The following ABCD3 variants were observed in gnomAD, a reference collection of about 807,000 sequenced individuals.
ABCD3 encodes the protein ATP-binding cassette sub-family D member 3.
A neutral mutation model predicts 105.5 loss-of-function variants in ABCD3; 41 were observed. The observed-to-expected ratio is 0.39, with a 90% CI of 0.30 to 0.50. The LOEUF is 0.50. Ranked by LOEUF, ABCD3 falls within the 20% of genes least tolerant of loss-of-function variation. ABCD3 has a pLI of 0.84. For synonymous variants in ABCD3, 258 were observed against 269.0 expected, an observed-to-expected ratio of 0.96 and a Z score of 0.40; for missense variants, 622 against 806.3, an observed-to-expected ratio of 0.77 and a Z score of 2.77.
chr1:94,487,842 T>G, intron 12 of ABCD3, 50 bp from the exon 13 acceptor site: 1 of 1,608,678 alleles, frequency 6.2e-7, no homozygotes, highest in South Asian at 1.1e-5. Flanking sequence ...TAAAGCCAAA[T>G]TTTTAGTCAT....
chr1:94,432,586 G>T (rs769135615), intron 1 of ABCD3: 4 of 152,048 alleles, frequency 2.6e-5, no homozygotes, highest in Non-Finnish European at 4.4e-5. Flanking sequence ...TCATTTTACA[G>T]GTGAGGAATA....
upstream of ABCD3, among the ~76,000 whole-genome samples, chr1:94,417,185 A>G (rs1659050376): frequency 6.6e-6 from 1 of 152,188 alleles, no homozygotes; most frequent in Non-Finnish European, 1.5e-5. Flanking sequence ...CAAATAGTGA[A>G]TTAGTAGGAG....
At chr1:94,406,363 C>A in the ABCD3 span, 1 of 185,914 alleles carries the variant, frequency 5.4e-6, no homozygotes, top group South Asian at 8.1e-5. Context: ...TTTTTACAGT[C>A]CAGTGGGTTG....
the ABCD3 span, among the ~76,000 whole-genome samples, chr1:94,389,740 C>T: frequency 6.7e-4 from 102 of 152,198 alleles, 2 homozygotes; most frequent in South Asian, 0.014. Flanking sequence ...AGGGTGTCCC[C>T]GACTGAGCTG....
chr1:94,429,381 C>T (rs891513084), intron 1 of ABCD3, among the ~76,000 whole-genome samples: 4 of 152,152 alleles, frequency 2.6e-5, no homozygotes, highest in African/African-American at 9.7e-5. Flanking sequence ...AACAAGGAGC[C>T]AAAAGTTACT....
chr1:94,436,946 G>T (rs959519118), intron 1 of ABCD3, among the ~76,000 whole-genome samples: 1 of 152,188 alleles, frequency 6.6e-6, no homozygotes, highest in African/African-American at 2.4e-5. Context: ...GATCAAACCA[G>T]CTGCAACATT....
chr1:94,453,829 T>C (rs943421512), intron 1 of ABCD3, among the ~76,000 whole-genome samples: 4 of 151,990 alleles, frequency 2.6e-5, no homozygotes, highest in Non-Finnish European at 5.9e-5. Context: ...TGAATTTTAA[T>C]GTATTAGTAT....
In ABCD3 at chr1:94,485,914, A is replaced by G. The variant is rs1276272379; in HGVS notation, c.898-1628A>G. ...TGACTTAAAGTGTTTGGGATGAGCC[A>G]GTTGCGGTGGCTCACCCCTGTAATC... On this transcript the variant is annotated intron_variant, in intron 10 of 22. Coordinates refer to ENST00000370214, the MANE Select transcript of ABCD3 (RefSeq NM_002858.4). Among the ~76,000 whole-genome samples the G allele has an allele frequency of 2.6e-5, 4 of 152,292 alleles. No individual in the cohort carries two copies. In the South Asian group the frequency reaches 8.3e-4, roughly 32 times the overall value.
chr1:94,503,439 A>G (rs753610417), intron 20 of ABCD3, among the ~76,000 whole-genome samples: 8 of 152,070 alleles, frequency 5.3e-5, no homozygotes, highest in Non-Finnish European at 1.2e-4. Context: ...AAATACTTCC[A>G]TCTATGTTTA....
chr1:94,432,797 A>G (rs951325963), intron 1 of ABCD3: 3 of 152,230 alleles, frequency 2.0e-5, no homozygotes, highest in Non-Finnish European at 4.4e-5. Context: ...TGCTATATTA[A>G]GTCATGCATT....
intron 3 of ABCD3, among the ~76,000 whole-genome samples, chr1:94,465,166 G>A (rs1199859794): frequency 6.6e-6 from 1 of 152,088 alleles, no homozygotes; most frequent in Non-Finnish European, 1.5e-5. Flanking sequence ...ACTGTCTGGA[G>A]GACAGCACCA....
At position 94,468,020 on chromosome 1, in the gene ABCD3, T is replaced by A. The variant is rs1372414129; in HGVS notation, c.335+13T>A. 6.4e-7 allele frequency: 1 copy of A among 1,567,734 alleles called. No homozygotes were observed. Among genetic ancestry groups the A allele is most frequent in the African/African-American group, 1.3e-5 (1 of 74,102 alleles). ...CACTAATTGAAAGGTACTTTTTCAA[T>A]CACCTTCCTCCTATATGTATGAAAT... On this transcript the variant is annotated intron_variant, in intron 4 of 22. Transcript: ENST00000370214.
intron 1 of ABCD3, among the ~76,000 whole-genome samples, chr1:94,426,848 A>AT (rs67942477): frequency 0.012 from 1,607 of 131,546 alleles, 13 homozygotes; most frequent in South Asian, 0.021. Context: ...CCCAGCCTGA[A>AT]TTTTTTTTTT....
chr1:94,459,981 C>T (rs765842032), intron 2 of ABCD3, among the ~76,000 whole-genome samples: 2 of 152,116 alleles, frequency 1.3e-5, no homozygotes, highest in African/African-American at 2.4e-5. Flanking sequence ...TATGCATATA[C>T]CACATTATGT....
the ABCD3 span, among the ~76,000 whole-genome samples, chr1:94,408,969 T>C: frequency 2.6e-5 from 4 of 152,190 alleles, no homozygotes; most frequent in African/African-American, 9.7e-5. Flanking sequence ...TCCTATGCGC[T>C]TTCTTTTCCT....
intron 3 of ABCD3, among the ~76,000 whole-genome samples, chr1:94,467,596 A>G (rs962497775): frequency 6.6e-6 from 1 of 152,220 alleles, no homozygotes; most frequent in Non-Finnish European, 1.5e-5. Flanking sequence ...ACAATACACT[A>G]TGATCTAGGT....
At position 94,518,324 on chromosome 1, in the gene ABCD3, A is replaced by G. The variant is rs958494602; in HGVS notation, c.*1195A>G. On this transcript the variant is annotated 3_prime_UTR_variant, in exon 23 of 23. Transcript: ENST00000370214. ...TCAGTTTCTCAAACTGAGCTTCAGA[A>G]AGGGGCATTTTGTACTCTTGTTTTT... The G allele has an allele frequency of 2.1e-4, 32 of 152,214 alleles. No homozygotes were observed. Among genetic ancestry groups the G allele is most frequent in the African/African-American group, 7.5e-4 (31 of 41,404 alleles). The allele number at this position is 152,214 out of a possible 1,614,324, so 9.4% of individuals were successfully genotyped here. A position where few individuals can be genotyped will look rare whatever the true frequency, so the allele number is the denominator to read the frequency against.
intron 1 of ABCD3, among the ~76,000 whole-genome samples, chr1:94,424,466 A>G (rs1659389107): frequency 6.6e-6 from 1 of 152,040 alleles, no homozygotes; most frequent in African/African-American, 2.4e-5. Flanking sequence ...TCTCTCACCC[A>G]TGCTGGAGTG....
the ABCD3 span, among the ~76,000 whole-genome samples, chr1:94,399,525 CAT>C: frequency 2.6e-5 from 4 of 152,190 alleles, no homozygotes; most frequent in African/African-American, 4.8e-5. Flanking sequence ...TTATTTCACA[CAT>C]GAGAAAGTTG....
Sources: gnomAD v4.1 joint callset for allele counts (sites outside exome capture counted in the v4.1 genomes callset) on GRCh38, gnomAD v4.1.1 for gene constraint, MANE v1.5 for transcripts, NCBI Gene and HGNC (gene_info 2026-07-23, HGNC 2026-07-21) for gene names.